BBS4: variants seen among roughly 807,000 people sequenced by gnomAD.
BBS4 encodes Bardet-Biedl syndrome 4, also known as BBSome complex member BBS4.
In BBS4, 58 loss-of-function variants were observed where a neutral mutation model predicts 71.4. The ratio of observed to expected loss-of-function variants is 0.81; its 90% CI spans 0.66 to 1.01. The LOEUF (loss-of-function observed/expected upper bound fraction) is 1.01, where lower values mean the gene tolerates loss of function less well. Ranked by LOEUF, BBS4 falls within the 50% of genes least tolerant of loss-of-function variation. BBS4 has a pLI of 0.00. For synonymous variants in BBS4, 228 were observed against 216.8 expected, an observed-to-expected ratio of 1.05 and a Z score of -0.46; for missense variants, 660 against 607.9, an observed-to-expected ratio of 1.09 and a Z score of -0.90.
intron 5 of BBS4, among the ~76,000 whole-genome samples, chr15:72,715,797 A>G (rs2065458390): frequency 6.6e-6 from 1 of 152,200 alleles, no homozygotes; most frequent in Non-Finnish European, 1.5e-5. Flanking sequence ...CTGACTTCTG[A>G]TGGTTCAACT....
At chr15:72,708,706 C>A (rs1487646728) in intron 2 of BBS4, among the ~76,000 whole-genome samples, 2 of 152,150 alleles carry the variant, frequency 1.3e-5, no homozygotes, top group African/African-American at 4.8e-5. Flanking sequence ...TCGCTAAATT[C>A]TTTTCCTAGC....
chr15:72,714,986 T>C (rs1231232812), intron 4 of BBS4, among the ~76,000 whole-genome samples: 1 of 152,256 alleles, frequency 6.6e-6, no homozygotes. Context: ...CAAAATGTTG[T>C]TAATGTGAAG....
intron 3 of BBS4, among the ~76,000 whole-genome samples, chr15:72,710,193 G>A (rs1361647095): frequency 1.2e-5 from 1 of 80,654 alleles, no homozygotes; most frequent in Non-Finnish European, 2.5e-5. Flanking sequence ...GTATTTTGTC[G>A]AGTTTTTTTT....
At chr15:72,713,471 A>ATAATTCC (rs1472280992) in intron 4 of BBS4, among the ~76,000 whole-genome samples, 3 of 152,200 alleles carry the variant, frequency 2.0e-5, no homozygotes, top group African/African-American at 7.2e-5. Flanking sequence ...GTCATCTCCT[A>ATAATTCC]TAACAATAGG....
chr15:72,704,820 C>T (rs889804742), intron 2 of BBS4, among the ~76,000 whole-genome samples: 39 of 151,962 alleles, frequency 2.6e-4, no homozygotes, highest in Admixed American at 2.2e-3. Context: ...GTGGAGATTG[C>T]GGTGAGCTAA....
intron 1 of BBS4, among the ~76,000 whole-genome samples, chr15:72,687,480 T>C (rs2064880572): frequency 6.6e-6 from 1 of 151,388 alleles, no homozygotes; most frequent in Non-Finnish European, 1.5e-5. Flanking sequence ...GGCGCTCGCC[T>C]GTAATCCCAG....
In BBS4 at chr15:72,731,537, G is replaced by A; in HGVS notation, c.865-18G>A. 2 of 1,614,178 alleles carry A rather than the reference G, an allele frequency of 1.2e-6. No homozygotes were observed. Among genetic ancestry groups the A allele is most frequent in the Non-Finnish European group, 1.7e-6 (2 of 1,180,036 alleles). On this transcript the variant is annotated intron_variant, in intron 11 of 15. Transcript: ENST00000268057. ...GTTTAGCTTGCCCTTCTCATTGAGT[G>A]CCCCTTCTCTCTCATAGGCCATCAG... is the stretch of plus-strand genomic sequence containing the variant.
intron 5 of BBS4, among the ~76,000 whole-genome samples, chr15:72,716,188 G>T (rs1009323993): frequency 2.6e-5 from 4 of 152,148 alleles, no homozygotes; most frequent in Non-Finnish European, 4.4e-5. Flanking sequence ...ATCTCTATTT[G>T]TTGAGTGAAT....
At chr15:72,725,727 CTTTTCTCTTCCCCCTTTCCCT>C (rs2065662284) in intron 8 of BBS4, among the ~76,000 whole-genome samples, 1 of 110,916 alleles carries the variant, frequency 9.0e-6, no homozygotes, top group African/African-American at 3.5e-5. Context: ...TCCCTTCCCC[CTTTTCTCTTCCCCCTTTCCCT>C]TTCCCCCTTC....
At chr15:72,716,336 A>G (rs2065468064) in intron 5 of BBS4, among the ~76,000 whole-genome samples, 1 of 152,148 alleles carries the variant, frequency 6.6e-6, no homozygotes, top group African/African-American at 2.4e-5. Flanking sequence ...TTGTTTTTGC[A>G]TAGAGCTTGG....
intron 3 of BBS4, among the ~76,000 whole-genome samples, chr15:72,710,227 G>GA (rs2065343941): frequency 8.6e-6 from 1 of 116,016 alleles, no homozygotes; most frequent in East Asian, 2.4e-4. Context: ...TTTTGAGATG[G>GA]AGTCTCACTG....
intron 1 of BBS4, 67 bp downstream of exon 1, chr15:72,686,318 C>A (rs750440203): frequency 3.9e-6 from 6 of 1,548,844 alleles, no homozygotes; most frequent in Non-Finnish European, 5.2e-6. Context: ...TGGCTTTTGT[C>A]CCATGCAGCG....
At chr15:72,737,234 G>A (rs2065943929) in intron 15 of BBS4, 8 of 613,170 alleles carry the variant, frequency 1.3e-5, no homozygotes. Flanking sequence ...AGTATATCCT[G>A]TTATGCAATG....
At chr15:72,702,745 G>A (rs1006054335) in intron 2 of BBS4, among the ~76,000 whole-genome samples, 1 of 147,860 alleles carries the variant, frequency 6.8e-6, no homozygotes, top group Non-Finnish European at 1.5e-5. Context: ...GGGCCTGTTC[G>A]CCCTCAGATC....
At chr15:72,704,139 C>T (rs1384935917) in intron 2 of BBS4, among the ~76,000 whole-genome samples, 2 of 152,120 alleles carry the variant, frequency 1.3e-5, no homozygotes, top group Non-Finnish European at 2.9e-5. Flanking sequence ...CCCCCACTGT[C>T]TTGGTGATGG....
chr15:72,707,923 G>A (rs903676010), intron 2 of BBS4, among the ~76,000 whole-genome samples: 7 of 151,164 alleles, frequency 4.6e-5, no homozygotes, highest in Non-Finnish European at 7.4e-5. Flanking sequence ...TCTAAAGATT[G>A]TGTTTAACTA....
intron 2 of BBS4, among the ~76,000 whole-genome samples, chr15:72,707,970 ATT>A (rs11331269): frequency 0.11 from 16,176 of 142,782 alleles, 867 homozygotes; most frequent in East Asian, 0.21. Flanking sequence ...ATCAGATGTG[ATT>A]TTTTTTTTTT....
At chr15:72,724,366 GAC>G (rs1480358823) in intron 7 of BBS4, among the ~76,000 whole-genome samples, 160 bp from the exon 8 acceptor site, 5 of 152,182 alleles carry the variant, frequency 3.3e-5, no homozygotes, top group Non-Finnish European at 4.4e-5. Context: ...TTTCAACAAG[GAC>G]AGTTTTGGTA....
At chr15:72,702,020 G>A (rs940166027) in intron 2 of BBS4, among the ~76,000 whole-genome samples, 3 of 126,468 alleles carry the variant, frequency 2.4e-5, no homozygotes, top group Non-Finnish European at 5.2e-5. Flanking sequence ...TTTTTTTTTT[G>A]TATTTTTAAT....
Sources: allele counts gnomAD v4.1 joint callset (sites outside exome capture counted in the v4.1 genomes callset), GRCh38; gene constraint gnomAD v4.1.1; transcripts MANE v1.5; gene names NCBI Gene and HGNC (gene_info 2026-07-23, HGNC 2026-07-21).